Variants in TBX3 observed in about 807,000 individuals in gnomAD.
TBX3 encodes the protein T-box transcription factor TBX3.
A neutral mutation model predicts 47.8 loss-of-function variants in TBX3; 11 were observed. That is an observed-to-expected ratio of 0.23 (90% CI 0.14 to 0.38). The LOEUF is 0.38. Among genes scored for constraint, TBX3 ranks in the 10% least tolerant of loss-of-function variants. TBX3 has a pLI of 1.00. For missense variants in TBX3, 927 were observed against 1,022.8 expected (o/e 0.91, Z 1.28); for synonymous variants, 500 against 449.3 (o/e 1.11, Z -1.43).
At position 114,674,558 on chromosome 12, in the gene TBX3, G is replaced by C; in HGVS notation, c.1317C>G (p.Arg439=). The C allele has an allele frequency of 6.4e-7, 1 of 1,561,250 alleles. No individual in the cohort carries two copies. Among genetic ancestry groups the C allele is most frequent in the Non-Finnish European group, 8.6e-7 (1 of 1,157,500 alleles). ...LGAEERRSPV[R]EGTAPAKVEE... is the part of the protein sequence containing the mutation. The stretch of plus-strand genomic sequence containing the variant: ...CCACCTTGGCCGGCGCTGTGCCCTC[G>C]CGAACCGGGCTCCTGCGCTCCTCCG... Residue 439 remains arginine (R), a synonymous_variant, in exon 6 of 7, where the codon CGC becomes CGG. Transcript: ENST00000349155.
chr12:114,675,248 TATTCTA>T (rs1377613986), intron 5 of TBX3, among the ~76,000 whole-genome samples: 7 of 152,220 alleles, frequency 4.6e-5, no homozygotes, highest in Non-Finnish European at 1.5e-5. Context: ...AGCTGGAACA[TATTCTA>T]ATTACTATCA....
intron 2 of TBX3, 80 bp from the exon 3 acceptor site, chr12:114,679,731 T>C: frequency 1.2e-6 from 2 of 1,602,902 alleles, no homozygotes; most frequent in Non-Finnish European, 1.7e-6. Context: ...CCTGCCAGGC[T>C]GAAATCTTCC....
Position 114,670,459 on chromosome 12 carries a change from C to G in TBX3, c.*1382G>C, listed in dbSNP as rs886049003. 6 of 218,004 alleles carry G rather than the reference C, an allele frequency of 2.8e-5. No homozygotes were observed. Among genetic ancestry groups the G allele is most frequent in the African/African-American group, 1.1e-4 (5 of 44,582 alleles). The allele number at this position is 218,004 out of a possible 1,614,324, so 13.5% of individuals were successfully genotyped here. On this transcript the variant is annotated 3_prime_UTR_variant, in exon 7 of 7. Transcript: ENST00000349155. ...CAATTCAAAACACCGATACTGACAA[C>G]AGTAGTAAATTCCACTTCGTTTTGA... is the stretch of plus-strand genomic sequence containing the variant.
rs901484799 is a variant in TBX3 at position 114,671,648 on chromosome 12, G to A, written c.*193C>T. 5 of 696,964 alleles carry A rather than the reference G, an allele frequency of 7.2e-6. No individual in the cohort carries two copies. The highest frequency in any genetic ancestry group is 3.6e-5 in the African/African-American group (2 of 56,102). The allele number at this position is 696,964 out of a possible 1,614,324, so 43.2% of individuals were successfully genotyped here. A position where few individuals can be genotyped will look rare whatever the true frequency, so the allele number is the denominator to read the frequency against. ...GCCCCCAGAATCTGATCCAGATCCC[G>A]GACATATAAACCACGCCAAGAAGAC... On this transcript the variant is annotated 3_prime_UTR_variant, in exon 7 of 7. Transcript: ENST00000349155.
At chr12:114,678,472 G>C (rs897561351) in intron 3 of TBX3, among the ~76,000 whole-genome samples, 10 of 152,186 alleles carry the variant, frequency 6.6e-5, no homozygotes, top group Admixed American at 6.5e-4. Flanking sequence ...CCCTTGGTTG[G>C]ATTCATGTTC....
In TBX3 at chr12:114,671,956, A is replaced by G. The variant is rs972007244; in HGVS notation, c.2057T>C (p.Leu686Ser). The change falls in exon 7 of 7, where the codon TTG becomes TCG. Residue 686 changes from leucine (L) to serine (S), a missense_variant. By Grantham distance (145) the Leu-to-Ser change is moderately radical. Around this residue, in one of 5 missense-constraint regions of TBX3, gnomAD observed 623 missense variants for 569.0 expected, o/e 1.09. Transcript: ENST00000349155. ...TTTCTCCGCGCAGAGTTTGGGCGAC[A>G]AGGACATGGAGCTGGAGGAGAGCGT... ...SSTLSSSSMS[L>S]SPKLCAEKEA... is the part of the protein sequence containing the mutation. 16 of 1,599,382 alleles carry G rather than the reference A, an allele frequency of 1.0e-5. No homozygotes were observed. Among genetic ancestry groups the G allele is most frequent in the African/African-American group, 1.3e-5 (1 of 74,790 alleles).
At chr12:114,682,086 A>C (rs554536668) in intron 1 of TBX3, among the ~76,000 whole-genome samples, 5 of 152,244 alleles carry the variant, frequency 3.3e-5, no homozygotes, top group Non-Finnish European at 7.3e-5. Flanking sequence ...CTTCTCTTCC[A>C]GGCAGGTTTT....
rs1180836314 is a variant in TBX3 at position 114,674,764 on chromosome 12, C to T, written c.1111G>A (p.Asp371Asn). ...SKEEHGPEAC[D>N]AAKISTTTSE... ...GTGGTGGTGGAGATCTTGGCCGCGT[C>T]GCAGGCCTCGGGGCCATGCTCCTCT... is the stretch of plus-strand genomic sequence containing the variant. Residue 371 changes from aspartate (D) to asparagine (N), a missense_variant, in exon 6 of 7, where the codon GAC (aspartate) becomes AAC (asparagine). Asp to Asn is a conservative substitution (Grantham distance 23, BLOSUM62 1). Around this residue, in one of 5 missense-constraint regions of TBX3, gnomAD observed 623 missense variants for 569.0 expected, o/e 1.09. Coordinates refer to ENST00000349155, the MANE Select transcript of TBX3 (RefSeq NM_005996.4). The T allele has an allele frequency of 2.5e-6, 4 of 1,589,404 alleles. No homozygotes were observed. The highest frequency in any genetic ancestry group is 3.4e-6 in the Non-Finnish European group (4 of 1,172,870).
rs537336157 is a variant in TBX3 at position 114,673,217 on chromosome 12, A to G, written c.1711-915T>C. On this transcript the variant is annotated intron_variant, in intron 6 of 6. Transcript: ENST00000349155. Reference sequence around the variant, plus strand: ...AGGAATTGAGAAATGCCAGAAGCCAAGCCTTTCCTCAGCTCCCTCCTCCCT... The same window carrying G: ...AGGAATTGAGAAATGCCAGAAGCCAGGCCTTTCCTCAGCTCCCTCCTCCCT... 2.0e-5 allele frequency among the ~76,000 whole-genome samples: 3 copies of G among 152,314 alleles called. No individual in the cohort carries two copies. The South Asian group carries it at 6.2e-4, about 32-fold the overall frequency.
In TBX3 at chr12:114,673,753, G is replaced by A. The variant is rs114773345; in HGVS notation, c.1710+412C>T. ...TGAGTCTCAGCTCCACCATGTACCCGCTGTGTGACCTTGGACAAGTCACTC... is the reference window on the plus strand; with the variant it reads ...TGAGTCTCAGCTCCACCATGTACCCACTGTGTGACCTTGGACAAGTCACTC... On this transcript the variant is annotated intron_variant, in intron 6 of 6. Coordinates refer to ENST00000349155, the MANE Select transcript of TBX3 (RefSeq NM_005996.4). Among the ~76,000 whole-genome samples, 506 of 152,308 alleles carry A rather than the reference G, an allele frequency of 3.3e-3. 5 individuals are homozygous for A. Among genetic ancestry groups the A allele is most frequent in the African/African-American group, 0.012 (489 of 41,564 alleles).
At position 114,679,800 on chromosome 12, in the gene TBX3, G is replaced by A. The variant is rs534164029; in HGVS notation, c.658-149C>T. The A allele has an allele frequency of 4.1e-4, 632 of 1,525,680 alleles. 7 individuals carry two copies. In the South Asian group the frequency reaches 4.3e-3, roughly 10 times the overall value. The allele number at this position is 1,525,680 out of a possible 1,614,324, so 94.5% of individuals were successfully genotyped here. On this transcript the variant is annotated intron_variant, in intron 2 of 6. Transcript: ENST00000349155. ...CCTCCTTGGAGTACCCCCTGGGTAC[G>A]TTTCGCTCCACAGATGTTATCTTCT...
In TBX3 at chr12:114,683,408, G is replaced by A. The variant is rs1264926773; in HGVS notation, c.-208C>T. On this transcript the variant is annotated 5_prime_UTR_variant, in exon 1 of 7. Transcript: ENST00000349155. The surrounding 1 kb of genome is among the most constrained non-coding windows in gnomAD (Gnocchi z 7.7). ...GGAAGTGTCTTTTGGAGAATGGGAGGCCGCTTTTAAAGAGGGCAAGGCGAA... is the reference window on the plus strand; with the variant it reads ...GGAAGTGTCTTTTGGAGAATGGGAGACCGCTTTTAAAGAGGGCAAGGCGAA... The A allele has an allele frequency of 5.9e-6, 4 of 676,808 alleles. No homozygotes were observed. The highest frequency in any genetic ancestry group is 2.8e-5 in the East Asian group (1 of 35,482). 41.9% of individuals were successfully genotyped at this position (676,808 alleles called of 1,614,324 possible). A position where few individuals can be genotyped will look rare whatever the true frequency, so the allele number is the denominator to read the frequency against.
At chr12:114,676,737 A>T (rs939286043) in intron 4 of TBX3, among the ~76,000 whole-genome samples, 1 of 152,226 alleles carries the variant, frequency 6.6e-6, no homozygotes, top group African/African-American at 2.4e-5. Context: ...ATGGGGTTTC[A>T]TTAGGAAAAG....
At position 114,671,016 on chromosome 12, in the gene TBX3, C is replaced by T. The variant is rs966185793; in HGVS notation, c.*825G>A. The T allele has an allele frequency of 2.9e-5, 6 of 204,142 alleles. No homozygotes were observed. Among genetic ancestry groups the T allele is most frequent in the South Asian group, 1.9e-4 (1 of 5,272 alleles). The allele number at this position is 204,142 out of a possible 1,614,324, so 12.6% of individuals were successfully genotyped here. A position where few individuals can be genotyped will look rare whatever the true frequency, so the allele number is the denominator to read the frequency against. On this transcript the variant is annotated 3_prime_UTR_variant, in exon 7 of 7. Transcript: ENST00000349155. The stretch of plus-strand genomic sequence containing the variant: ...GGAAAGAGAAAGAACTGTCAAAGAA[C>T]GACATGAATCCTGCTACAGAGCTTA...
At chr12:114,680,437 A>T (rs1868880045) in intron 2 of TBX3, 1 of 285,402 alleles carries the variant, frequency 3.5e-6, no homozygotes, top group South Asian at 4.2e-5. Context: ...ACGAGTTTTT[A>T]AAAATGTATT....
In TBX3 at chr12:114,672,075, G is replaced by A; in HGVS notation, c.1938C>T (p.Ala646=). 1 of 1,566,968 alleles carries A rather than the reference G, an allele frequency of 6.4e-7. No individual in the cohort carries two copies. Among genetic ancestry groups the A allele is most frequent in the South Asian group, 1.2e-5 (1 of 85,488 alleles). The change falls in exon 7 of 7, where the codon GCC becomes GCT. Residue 646 remains alanine (A), a synonymous_variant. Transcript: ENST00000349155. ...CGACTTTGCCGTCCAGGGGCCCCGCGGCCGCCGCCATGGAGGGCAGGGCGG... is the reference window on the plus strand; with the variant it reads ...CGACTTTGCCGTCCAGGGGCCCCGCAGCCGCCGCCATGGAGGGCAGGGCGG... ...LTTALPSMAA[A]AGPLDGKVAA...
intron 3 of TBX3, 123 bp downstream of exon 3, chr12:114,679,382 A>G: frequency 7.2e-7 from 1 of 1,395,360 alleles, no homozygotes; most frequent in Non-Finnish European, 1.0e-6. Flanking sequence ...TGCTCCACAA[A>G]TCACAAAAGA....
chr12:114,683,340 A>T lies in TBX3; in HGVS notation c.-140T>A, dbSNP rs1362598221. 3 of 1,188,426 alleles carry T rather than the reference A, an allele frequency of 2.5e-6. No individual in the cohort carries two copies. The highest frequency in any genetic ancestry group is 3.5e-6 in the Non-Finnish European group (3 of 859,680). 73.6% of individuals were successfully genotyped at this position (1,188,426 alleles called of 1,614,324 possible). A position where few individuals can be genotyped will look rare whatever the true frequency, so the allele number is the denominator to read the frequency against. On this transcript the variant is annotated 5_prime_UTR_variant, in exon 1 of 7. Transcript: ENST00000349155. This position sits in a 1 kb window ranked among gnomAD's most constrained non-coding sequence, Gnocchi z 7.7. ...AAAACAAAAAAGAAAGAAAAAAGAAAAGGAGGCAGAAATCACAACTAATGC... is the reference window on the plus strand; with the variant it reads ...AAAACAAAAAAGAAAGAAAAAAGAATAGGAGGCAGAAATCACAACTAATGC...
chr12:114,672,300 G>A lies in TBX3; in HGVS notation c.1713C>T (p.Gly571=). Residue 571 remains glycine, a splice_region_variant and synonymous_variant, in exon 7 of 7, where the codon GGC becomes GGT. Transcript: ENST00000349155. ...HLQQHVLASQ[G]LAMSPFGSLF... The stretch of plus-strand genomic sequence containing the variant: ...GGCTTCCGAAAGGGGACATGGCCAG[G>A]CCCTGGGGTGAGAAAAGAGACACAC... 6.5e-7 allele frequency: 1 copy of A among 1,545,426 alleles called. No individual in the cohort carries two copies. The highest frequency in any genetic ancestry group is 8.7e-7 in the Non-Finnish European group (1 of 1,148,682).
Sources: gnomAD v4.1 joint callset for allele counts (sites outside exome capture counted in the v4.1 genomes callset) on GRCh38, gnomAD v4.1.1 for gene constraint, gnomAD v4.1.1 regional missense constraint, Gnocchi (gnomAD v3.1) non-coding constraint, MANE v1.5 for transcripts, NCBI Gene and HGNC (gene_info 2026-07-23, HGNC 2026-07-21) for gene names.